LHFPL3: variants seen among roughly 807,000 people sequenced by gnomAD.
The protein encoded by LHFPL3 is LHFPL tetraspan subfamily member 3.
A neutral mutation model predicts 19.3 loss-of-function variants in LHFPL3; 5 were observed. The ratio of observed to expected loss-of-function variants is 0.26; its 90% confidence interval spans 0.14 to 0.54. The LOEUF (loss-of-function observed/expected upper bound fraction) is 0.54, where lower values mean the gene tolerates loss of function less well. Among genes scored for constraint, LHFPL3 ranks in the 20% least tolerant of loss-of-function variants. The probability of loss-of-function intolerance (pLI) is 0.94; values close to 1 mark genes in which losing one functional copy is unlikely to be tolerated. For synonymous variants in LHFPL3, 133 were observed against 126.2 expected, an observed-to-expected ratio of 1.05 and a Z score of -0.36; for missense variants, 249 against 307.4, an observed-to-expected ratio of 0.81 and a Z score of 1.42.
At chr7:104,382,768 G>C (rs548371215) in intron 1 of LHFPL3, among the ~76,000 whole-genome samples, 1 of 152,322 alleles carries the variant, frequency 6.6e-6, no homozygotes, top group African/African-American at 2.4e-5. Context: ...TGCTAAGATG[G>C]TGTGCAAAGT....
intron 1 of LHFPL3, among the ~76,000 whole-genome samples, chr7:104,495,673 G>A (rs1246868881): frequency 1.3e-5 from 2 of 152,070 alleles, no homozygotes; most frequent in Non-Finnish European, 2.9e-5. Context: ...TTGAGCTAAC[G>A]CGCCTGGCCT....
intron 2 of LHFPL3, among the ~76,000 whole-genome samples, chr7:104,885,320 A>AT (rs1792127421): frequency 6.6e-6 from 1 of 151,988 alleles, no homozygotes; most frequent in Non-Finnish European, 1.5e-5. Flanking sequence ...TCCCTGCAAT[A>AT]TTATCTGTAC....
chr7:104,468,161 C>T (rs1237203833), intron 1 of LHFPL3, among the ~76,000 whole-genome samples: 2 of 152,196 alleles, frequency 1.3e-5, no homozygotes, highest in African/African-American at 4.8e-5. Flanking sequence ...CAGGAAGCTG[C>T]TAGTATCGTA....
chr7:104,378,771 G>A (rs2116446937), intron 1 of LHFPL3, among the ~76,000 whole-genome samples: 1 of 152,184 alleles, frequency 6.6e-6, no homozygotes. Flanking sequence ...TCTTTTTAAT[G>A]TACTTACTGG....
chr7:104,498,975 TC>T (rs796256617), intron 1 of LHFPL3, among the ~76,000 whole-genome samples: 54 of 152,306 alleles, frequency 3.5e-4, no homozygotes, highest in African/African-American at 1.1e-3. Flanking sequence ...GATTTTTTTT[TC>T]CATGAGGACA....
At chr7:104,845,671 C>G (rs1791299854) in intron 2 of LHFPL3, among the ~76,000 whole-genome samples, 1 of 152,222 alleles carries the variant, frequency 6.6e-6, no homozygotes, top group Non-Finnish European at 1.5e-5. Flanking sequence ...TGGGAAGGAG[C>G]TGGGGAGTCC....
intron 1 of LHFPL3, among the ~76,000 whole-genome samples, chr7:104,664,896 C>T (rs1303816477): frequency 6.6e-6 from 1 of 151,926 alleles, no homozygotes; most frequent in East Asian, 1.9e-4. Flanking sequence ...TAGTCCCTGG[C>T]TGGACACAAC....
rs1311770717 is a variant in LHFPL3, at chr7:104,520,547, G to A, written c.445+191323G>A. 3.0e-3 allele frequency among the ~76,000 whole-genome samples: 414 copies of A among 137,646 alleles called. 1 individual carries two copies. Among genetic ancestry groups the A allele is most frequent in the Non-Finnish European group, 3.7e-3 (236 of 63,444 alleles). The allele number at this position is 137,646 out of a possible 152,430, so 90.3% of individuals were successfully genotyped here. On this transcript the variant is annotated intron_variant, in intron 1 of 2. Transcript: ENST00000424859. ...GTACCAGTTCCTCCTTGTACCTCTG[G>A]TAGAATTCGGCTGTGAATCCATCTG...
chr7:104,640,368 G>C (rs1791808646), intron 1 of LHFPL3, among the ~76,000 whole-genome samples: 1 of 152,098 alleles, frequency 6.6e-6, no homozygotes, highest in South Asian at 2.1e-4. Flanking sequence ...GAAAACATGT[G>C]GTGTTTGGTT....
intron 1 of LHFPL3, among the ~76,000 whole-genome samples, chr7:104,488,904 A>G (rs573831551): frequency 1.3e-5 from 2 of 152,212 alleles, no homozygotes; most frequent in South Asian, 2.1e-4. Flanking sequence ...GAGTTCTTGG[A>G]AGTCTAGGAT....
intron 1 of LHFPL3, among the ~76,000 whole-genome samples, chr7:104,429,425 A>C (rs1033124089): frequency 4.8e-5 from 7 of 146,542 alleles, no homozygotes; most frequent in African/African-American, 1.8e-4. Flanking sequence ...CTCCTGTCTC[A>C]GCCTCCCAAG....
At chr7:104,510,850 G>C (rs1793797464) in intron 1 of LHFPL3, among the ~76,000 whole-genome samples, 2 of 152,104 alleles carry the variant, frequency 1.3e-5, no homozygotes, top group Admixed American at 1.3e-4. Context: ...GCTAAATAAT[G>C]AGAATACATG....
intron 1 of LHFPL3, among the ~76,000 whole-genome samples, chr7:104,730,431 G>A (rs1433465851): frequency 6.6e-6 from 1 of 152,106 alleles, no homozygotes; most frequent in Non-Finnish European, 1.5e-5. Flanking sequence ...TTTAAAGATC[G>A]CCATTCTAAC....
intron 1 of LHFPL3, among the ~76,000 whole-genome samples, chr7:104,498,869 T>C (rs1793542408): frequency 6.6e-6 from 1 of 152,210 alleles, no homozygotes. Context: ...CCACAATCAA[T>C]TCTCAGCTAA....
chr7:104,442,587 C>A (rs1792249235), intron 1 of LHFPL3, among the ~76,000 whole-genome samples: 1 of 152,140 alleles, frequency 6.6e-6, no homozygotes, highest in East Asian at 1.9e-4. Flanking sequence ...AGATTTGTGG[C>A]CTACTGGGTA....
intron 1 of LHFPL3, among the ~76,000 whole-genome samples, chr7:104,358,593 G>T (rs1206730817): frequency 6.6e-6 from 1 of 152,178 alleles, no homozygotes; most frequent in African/African-American, 2.4e-5. Context: ...TAGACAACTT[G>T]AAAGTGTATT....
chr7:104,740,813 G>T (rs1793922308), intron 2 of LHFPL3, among the ~76,000 whole-genome samples: 1 of 152,092 alleles, frequency 6.6e-6, no homozygotes, highest in Admixed American at 6.6e-5. Flanking sequence ...GATTTGGGTG[G>T]GGACACAGGC....
At chr7:104,897,530 T>G (rs1435826904) in intron 2 of LHFPL3, among the ~76,000 whole-genome samples, 1 of 152,202 alleles carries the variant, frequency 6.6e-6, no homozygotes, top group East Asian at 1.9e-4. Context: ...ACTAAGACCA[T>G]AGGTTCACAT....
At chr7:104,706,203 A>G (rs1201850545) in intron 1 of LHFPL3, among the ~76,000 whole-genome samples, 1 of 152,138 alleles carries the variant, frequency 6.6e-6, no homozygotes, top group African/African-American at 2.4e-5. Context: ...GCCACTCATC[A>G]TCATCTGACC....
Sources: gnomAD v4.1 joint callset for allele counts (sites outside exome capture counted in the v4.1 genomes callset) on GRCh38, gnomAD v4.1.1 for gene constraint, MANE v1.5 for transcripts, NCBI Gene and HGNC (gene_info 2026-07-23, HGNC 2026-07-21) for gene names.